Variants in NCBP1 observed in about 807,000 individuals in gnomAD.
The protein encoded by NCBP1 is nuclear cap binding protein subunit 1, also known as nuclear cap-binding protein subunit 1.
A neutral mutation model predicts 111.7 loss-of-function variants in NCBP1; 16 were observed. The observed-to-expected ratio is 0.14, with a 90% CI of 0.10 to 0.22. The LOEUF is 0.22. NCBP1 is among the 10% of genes least tolerant of loss of function. The probability of loss-of-function intolerance (pLI) is 1.00; values close to 1 mark genes in which losing one functional copy is unlikely to be tolerated. For missense variants in NCBP1, 607 were observed against 957.5 expected, an observed-to-expected ratio of 0.63 and a Z score of 4.83; for synonymous variants, 304 against 314.3, an observed-to-expected ratio of 0.97 and a Z score of 0.35.
At chr9:97,648,622 T>C (rs1827413047) in intron 8 of NCBP1, among the ~76,000 whole-genome samples, 1 of 152,176 alleles carries the variant, frequency 6.6e-6, no homozygotes, top group South Asian at 2.1e-4. Context: ...ATATATCTCA[T>C]GTTATGAGGA....
chr9:97,670,766 G>C (rs752674551), intron 22 of NCBP1, among the ~76,000 whole-genome samples: 1 of 152,128 alleles, frequency 6.6e-6, no homozygotes, highest in Non-Finnish European at 1.5e-5. Context: ...ACTGGGGAGA[G>C]AGCTAGCTGA....
intron 14 of NCBP1, 116 bp from the exon 15 acceptor site, chr9:97,658,524 C>T: frequency 1.6e-5 from 12 of 763,548 alleles, no homozygotes; most frequent in Admixed American, 4.6e-5. Context: ...CCTTTCACTT[C>T]TTGGTTGTCA....
intron 3 of NCBP1, 142 bp from the exon 4 acceptor site, chr9:97,643,062 C>A: frequency 2.7e-6 from 2 of 752,118 alleles, no homozygotes; most frequent in South Asian, 2.7e-5. Flanking sequence ...CAATGACATG[C>A]TTTTTCTGAA....
At chr9:97,649,379 A>G (rs1827437209) in intron 8 of NCBP1, among the ~76,000 whole-genome samples, 1 of 152,148 alleles carries the variant, frequency 6.6e-6, no homozygotes, top group Non-Finnish European at 1.5e-5. Context: ...TTGACAACCA[A>G]AAATATCTCC....
intron 5 of NCBP1, 27 bp downstream of exon 5, chr9:97,645,251 T>C (rs772361511): frequency 6.5e-7 from 1 of 1,541,216 alleles, no homozygotes; most frequent in South Asian, 1.1e-5. Context: ...TGCTGAATCT[T>C]GAGGGGTTCT....
chr9:97,635,349 T>C (rs980408116), intron 1 of NCBP1, among the ~76,000 whole-genome samples: 2 of 152,026 alleles, frequency 1.3e-5, no homozygotes, highest in Non-Finnish European at 2.9e-5. Context: ...GCTGCGTGCT[T>C]TGATTTCTAA....
At position 97,671,714 on chromosome 9, in the gene NCBP1, T is replaced by C. The variant is rs1828199097; in HGVS notation, c.*515T>C. 1 of 152,290 alleles carries C rather than the reference T, an allele frequency of 6.6e-6. No homozygotes were observed. The highest frequency in any genetic ancestry group is 1.5e-5 in the Non-Finnish European group (1 of 68,070). 9.4% of individuals were successfully genotyped at this position (152,290 alleles called of 1,614,324 possible). A position where few individuals can be genotyped will look rare whatever the true frequency, so the allele number is the denominator to read the frequency against. ...TGAAGGTGTTCTCCATTTGAAATTT[T>C]ATCTTCAAAGTATTTTTAAGTAGTA... On this transcript the variant is annotated 3_prime_UTR_variant, in exon 23 of 23. Transcript: ENST00000375147.
At chr9:97,637,196 G>T (rs1161677879) in intron 1 of NCBP1, among the ~76,000 whole-genome samples, 1 of 152,082 alleles carries the variant, frequency 6.6e-6, no homozygotes, top group East Asian at 1.9e-4. Flanking sequence ...ATTAAGGGGG[G>T]TAGGATTAGG....
At chr9:97,666,942 G>A in intron 20 of NCBP1, 65 bp downstream of exon 20, 6 of 1,183,330 alleles carry the variant, frequency 5.1e-6, no homozygotes, top group Non-Finnish European at 7.1e-6. Context: ...AGAGGATTCA[G>A]AGTTCATTAT....
intron 11 of NCBP1, 97 bp downstream of exon 11, chr9:97,654,005 A>ATT: frequency 9.2e-7 from 1 of 1,089,374 alleles, no homozygotes; most frequent in Admixed American, 2.5e-5. Context: ...GTAGGTAAAA[A>ATT]ATGTGGCTTT....
At chr9:97,650,443 A>G in intron 8 of NCBP1, 60 bp from the exon 9 acceptor site, 1 of 1,269,088 alleles carries the variant, frequency 7.9e-7, no homozygotes, top group Non-Finnish European at 1.1e-6. Context: ...ATATTTGTTG[A>G]ATAAGTAAAA....
intron 13 of NCBP1, 122 bp from the exon 14 acceptor site, chr9:97,655,889 A>C: frequency 1.5e-6 from 2 of 1,314,246 alleles, no homozygotes; most frequent in Non-Finnish European, 2.1e-6. Context: ...ACAAATAGTT[A>C]CAAGTGCAAT....
chr9:97,633,880 G>A lies in NCBP1; in HGVS notation c.-2G>A. The A allele has an allele frequency of 1.3e-6, 2 of 1,587,534 alleles. No homozygotes were observed. Among genetic ancestry groups the A allele is most frequent in the Non-Finnish European group, 1.7e-6 (2 of 1,173,032 alleles). On this transcript the variant is annotated 5_prime_UTR_variant, in exon 1 of 23. Coordinates refer to ENST00000375147, the MANE Select transcript of NCBP1 (RefSeq NM_002486.5). ...CGGTTCCGCGGCGCACCGGAGGGCA[G>A]CATGTCGCGGCGGCGGCACAGCGAC...
chr9:97,668,766 A>G (rs948405791), intron 20 of NCBP1, 80 bp from the exon 21 acceptor site: 3 of 1,476,306 alleles, frequency 2.0e-6, no homozygotes, highest in Non-Finnish European at 1.8e-6. Flanking sequence ...GGCCAGACAC[A>G]GTAAAATGCT....
At position 97,643,186 on chromosome 9, in the gene NCBP1, A is replaced by G. The variant is rs766894176; in HGVS notation, c.225-18A>G. 3.2e-6 allele frequency: 5 copies of G among 1,565,232 alleles called. No individual in the cohort carries two copies. Among genetic ancestry groups the G allele is most frequent in the Non-Finnish European group, 4.3e-6 (5 of 1,165,322 alleles). Reference sequence around the variant, plus strand: ...CATTGTTTTGGGGTTTTCTTGTTATACTGGGTTCTTAAATCAGTGCACGCC... The same window carrying G: ...CATTGTTTTGGGGTTTTCTTGTTATGCTGGGTTCTTAAATCAGTGCACGCC... On this transcript the variant is annotated intron_variant, in intron 3 of 22. Transcript: ENST00000375147.
intron 1 of NCBP1, chr9:97,636,053 TAAGAC>T (rs149576120): frequency 6.6e-6 from 1 of 152,262 alleles, no homozygotes; most frequent in East Asian, 1.9e-4. Context: ...TCAGAGTAAA[TAAGAC>T]AAGTAAAACA....
intron 14 of NCBP1, 71 bp downstream of exon 14, chr9:97,656,156 T>C: frequency 8.1e-7 from 1 of 1,227,840 alleles, no homozygotes; most frequent in Non-Finnish European, 1.2e-6. Context: ...ACTTGTGATG[T>C]GTGTTCAGAA....
At chr9:97,667,937 T>C (rs899245680) in intron 20 of NCBP1, among the ~76,000 whole-genome samples, 1 of 152,208 alleles carries the variant, frequency 6.6e-6, no homozygotes, top group African/African-American at 2.4e-5. Flanking sequence ...AGGACAGTCG[T>C]GTACCCACGT....
At chr9:97,639,702 C>T (rs1033887882) in intron 1 of NCBP1, among the ~76,000 whole-genome samples, 3 of 152,056 alleles carry the variant, frequency 2.0e-5, no homozygotes, top group African/African-American at 7.2e-5. Context: ...TGTTTAGCAG[C>T]AGCATCAGGT....
Sources: gnomAD v4.1 joint callset for allele counts (sites outside exome capture counted in the v4.1 genomes callset) on GRCh38, gnomAD v4.1.1 for gene constraint, MANE v1.5 for transcripts, NCBI Gene and HGNC (gene_info 2026-07-23, HGNC 2026-07-21) for gene names.